SH3KBP1: variants seen among roughly 807,000 people sequenced by gnomAD.
SH3KBP1 encodes the protein SH3 domain containing kinase binding protein 1, also known as SH3 domain-containing kinase-binding protein 1.
A neutral mutation model predicts 50.1 loss-of-function variants in SH3KBP1; 8 were observed. That is an observed-to-expected ratio of 0.16 (90% CI 0.09 to 0.29). The LOEUF is 0.29. SH3KBP1 is among the 10% of genes least tolerant of loss of function. SH3KBP1 has a pLI of 1.00. For synonymous variants in SH3KBP1, 227 were observed against 218.6 expected, an observed-to-expected ratio of 1.04 and a Z score of -0.34; for missense variants, 377 against 535.2, an observed-to-expected ratio of 0.70 and a Z score of 2.92.
chrX:19,748,514 A>C (rs971587142), intron 2 of SH3KBP1, among the ~76,000 whole-genome samples: 2 of 111,775 alleles, frequency 1.8e-5, no homozygotes, highest in African/African-American at 6.5e-5. Flanking sequence ...ACCAGGAGAG[A>C]GGCTGGCCCA....
At chrX:19,797,073 GAC>G (rs1196414101) in intron 2 of SH3KBP1, among the ~76,000 whole-genome samples, 66 of 112,824 alleles carry the variant, frequency 5.8e-4, no homozygotes, top group African/African-American at 1.9e-3. Context: ...GTAGGGATAA[GAC>G]AGACAAGGCC....
At chrX:19,644,497 CACA>C (rs1366957743) in intron 7 of SH3KBP1, among the ~76,000 whole-genome samples, 1 of 111,544 alleles carries the variant, frequency 9.0e-6, no homozygotes, top group African/African-American at 3.3e-5. Context: ...ACTATGTACC[CACA>C]ACATTGTTTT....
At chrX:19,543,109 AC>A (rs1385466565) in intron 15 of SH3KBP1, among the ~76,000 whole-genome samples, 1 of 111,586 alleles carries the variant, frequency 9.0e-6, no homozygotes. Context: ...GACATAGAGC[AC>A]CAGGCATTGT....
chrX:19,682,896 A>C (rs2063088694), intron 6 of SH3KBP1, among the ~76,000 whole-genome samples: 1 of 102,804 alleles, frequency 9.7e-6, no homozygotes, highest in African/African-American at 3.5e-5. Flanking sequence ...TATCCCACCA[A>C]AAAAAAAAAA....
At chrX:19,878,505 T>TGTGTGTGTGTGTGTGTGTGTGAGAGA (rs1491094714) in intron 1 of SH3KBP1, among the ~76,000 whole-genome samples, 9 of 48,251 alleles carry the variant, frequency 1.9e-4, no homozygotes, top group African/African-American at 4.8e-4. Context: ...TGTGTGTGTG[T>TGTGTGTGTGTGTGTGTGTGTGAGAGA]GAGAGAGAGA....
intron 1 of SH3KBP1, among the ~76,000 whole-genome samples, chrX:19,840,082 C>G (rs951412314): frequency 8.9e-6 from 1 of 112,181 alleles, no homozygotes; most frequent in Non-Finnish European, 1.9e-5. Flanking sequence ...CCTTTCCTGT[C>G]AAGATGAATT....
At chrX:19,882,045 C>CA (rs1295808559) in intron 1 of SH3KBP1, among the ~76,000 whole-genome samples, 1 of 110,196 alleles carries the variant, frequency 9.1e-6, no homozygotes, top group Non-Finnish European at 1.9e-5. Context: ...CAAGCTGTCT[C>CA]AAAAAAACAG....
At chrX:19,604,690 C>T (rs2067191251) in intron 9 of SH3KBP1, among the ~76,000 whole-genome samples, 1 of 111,575 alleles carries the variant, frequency 9.0e-6, no homozygotes, top group East Asian at 2.8e-4. Flanking sequence ...AAATGACAGC[C>T]CTATCTCCAG....
At chrX:19,809,416 C>G (rs376130776) in intron 2 of SH3KBP1, among the ~76,000 whole-genome samples, 1 of 109,982 alleles carries the variant, frequency 9.1e-6, no homozygotes, top group Non-Finnish European at 1.9e-5. Context: ...CCCAGCTACT[C>G]GGGAGGCTGA....
intron 1 of SH3KBP1, among the ~76,000 whole-genome samples, chrX:19,882,607 C>T (rs1198301222): frequency 8.9e-6 from 1 of 111,959 alleles, no homozygotes; most frequent in Non-Finnish European, 1.9e-5. Flanking sequence ...GTGATTGTCG[C>T]CCAGTGACGG....
At chrX:19,740,655 C>A in intron 3 of SH3KBP1, 1 of 153,723 alleles carries the variant, frequency 6.5e-6, no homozygotes, top group Non-Finnish European at 1.5e-5. Context: ...TTGAAAGAAA[C>A]AAAGTCTCAT....
intron 6 of SH3KBP1, among the ~76,000 whole-genome samples, chrX:19,652,672 T>C (rs1023732963): frequency 8.9e-6 from 1 of 112,418 alleles, no homozygotes; most frequent in Non-Finnish European, 1.9e-5. Context: ...ACTTTATCCT[T>C]AACTTTATCT....
chrX:19,788,446 C>T (rs977663946), intron 2 of SH3KBP1, among the ~76,000 whole-genome samples: 5 of 110,413 alleles, frequency 4.5e-5, no homozygotes, highest in African/African-American at 1.3e-4. Flanking sequence ...CTCTCCCTCA[C>T]GACCCTCAGA....
At chrX:19,594,450 A>G in intron 10 of SH3KBP1, among the ~76,000 whole-genome samples, 1 of 112,074 alleles carries the variant, frequency 8.9e-6, no homozygotes, top group Non-Finnish European at 1.9e-5. Flanking sequence ...TGCTAGAAAA[A>G]CATCTTTTTG....
At chrX:19,733,090 G>A (rs1164761301) in intron 3 of SH3KBP1, among the ~76,000 whole-genome samples, 1 of 111,523 alleles carries the variant, frequency 9.0e-6, no homozygotes, top group Admixed American at 9.5e-5. Flanking sequence ...GAGGAGAGGT[G>A]GGGGAGAAAA....
chrX:19,567,747 G>A (rs924784298), intron 13 of SH3KBP1, among the ~76,000 whole-genome samples: 4 of 105,855 alleles, frequency 3.8e-5, no homozygotes, highest in East Asian at 2.9e-4. Context: ...TACTTCTTAC[G>A]ACTGCATGTG....
chrX:19,882,844 G>T (rs1262938029), intron 1 of SH3KBP1, among the ~76,000 whole-genome samples: 1 of 112,032 alleles, frequency 8.9e-6, no homozygotes, highest in Non-Finnish European at 1.9e-5. Context: ...ACTGAGATCG[G>T]CTGCCTAGTG....
rs151064863 is a variant in SH3KBP1 at position 19,856,207 on chromosome X, C to T, written c.5-19925G>A. Among the ~76,000 whole-genome samples the T allele has an allele frequency of 7.5e-3, 839 of 111,571 alleles. 11 individuals carry two copies. The highest frequency in any genetic ancestry group is 0.026 in the African/African-American group (805 of 30,710). On this transcript the variant is annotated intron_variant, in intron 1 of 17. Transcript: ENST00000397821. ...TTACCTGTAACCAAAACAAAATTAA[C>T]TTCAGAGTGGGTTACTGACAGTTTC...
chrX:19,870,358 T>TC (rs2069008465), intron 1 of SH3KBP1, among the ~76,000 whole-genome samples: 1 of 110,589 alleles, frequency 9.0e-6, no homozygotes, highest in Non-Finnish European at 1.9e-5. Context: ...TTTTTTTTTT[T>TC]CTGAGCTGGG....
Sources: allele counts gnomAD v4.1 joint callset (sites outside exome capture counted in the v4.1 genomes callset), GRCh38; gene constraint gnomAD v4.1.1; transcripts MANE v1.5; gene names NCBI Gene and HGNC (gene_info 2026-07-23, HGNC 2026-07-21).